Variants in EPHX1 observed in about 807,000 individuals in gnomAD.
The protein encoded by EPHX1 is epoxide hydrolase 1.
EPHX1 carries 40 observed loss-of-function variants against 43.2 expected under a neutral mutation model. The observed-to-expected ratio is 0.93, with a 90% confidence interval of 0.72 to 1.21. The LOEUF (loss-of-function observed/expected upper bound fraction) is 1.21, where lower values mean the gene tolerates loss of function less well. EPHX1 is among the 50% of genes most tolerant of loss of function. The probability of loss-of-function intolerance (pLI) is 0.00; values close to 1 mark genes in which losing one functional copy is unlikely to be tolerated. For missense variants in EPHX1, 550 were observed against 570.4 expected, an observed-to-expected ratio of 0.96 and a Z score of 0.36; for synonymous variants, 221 against 226.7, an observed-to-expected ratio of 0.98 and a Z score of 0.22.
Position 225,842,471 on chromosome 1 carries a change from A to C in EPHX1, c.1037A>C (p.Glu346Ala). Reference sequence around the variant, plus strand: ...CGATACCTGGAGGATGGAGGCCTGGAAAGGTGAGGCCCTGGTTTGCCCCTG... The same window carrying C: ...CGATACCTGGAGGATGGAGGCCTGGCAAGGTGAGGCCCTGGTTTGCCCCTG... ...EFRYLEDGGLERKFSLDDLLT... is the reference protein window; with the variant it reads ...EFRYLEDGGLARKFSLDDLLT... The change falls in exon 7 of 9, where the codon GAA becomes GCA. Residue 346 changes from glutamate (E) to alanine (A), a missense_variant. Transcript: ENST00000272167. The C allele has an allele frequency of 1.9e-6, 3 of 1,609,742 alleles. No homozygotes were observed. The highest frequency in any genetic ancestry group is 2.6e-6 in the Non-Finnish European group (3 of 1,175,928).
chr1:225,810,896 A>G (rs1274799956), intron 1 of EPHX1, among the ~76,000 whole-genome samples: 2 of 152,184 alleles, frequency 1.3e-5, no homozygotes, highest in African/African-American at 4.8e-5. Flanking sequence ...GAATGACATC[A>G]GTTAAGGCAG....
chr1:225,837,717 A>G (rs902117102), intron 3 of EPHX1, among the ~76,000 whole-genome samples: 21 of 151,950 alleles, frequency 1.4e-4, no homozygotes, highest in African/African-American at 5.1e-4. Flanking sequence ...ACGGGGTTTC[A>G]CCATGTTGGC....
intron 3 of EPHX1, among the ~76,000 whole-genome samples, chr1:225,836,910 G>A (rs1218119468): frequency 6.6e-6 from 1 of 152,190 alleles, no homozygotes; most frequent in Non-Finnish European, 1.5e-5. Context: ...TCTGTTAAAA[G>A]GGTAGGACCC....
At chr1:225,844,125 G>GGT (rs1163450070) in intron 7 of EPHX1, among the ~76,000 whole-genome samples, 1 of 152,116 alleles carries the variant, frequency 6.6e-6, no homozygotes, top group Non-Finnish European at 1.5e-5. Flanking sequence ...ATTAAAAGAA[G>GGT]GTAAGGAGCT....
intron 3 of EPHX1, among the ~76,000 whole-genome samples, chr1:225,833,279 C>CT (rs1269365646): frequency 5.9e-5 from 9 of 152,186 alleles, no homozygotes; most frequent in African/African-American, 1.9e-4. Context: ...CTAGGAATTA[C>CT]TTAAAGTGTA....
At chr1:225,845,040 G>GT (rs1668824355) in intron 8 of EPHX1, 106 bp from the exon 9 acceptor site, 2 of 1,195,840 alleles carry the variant, frequency 1.7e-6, no homozygotes, top group East Asian at 4.7e-5. Flanking sequence ...GGCTCCTTGT[G>GT]GGTGGGCCAG....
rs373882933 is a variant in EPHX1 at position 225,842,402 on chromosome 1, C to A, written c.968C>A (p.Ala323Asp). 1.9e-6 allele frequency: 3 copies of A among 1,613,966 alleles called. No individual in the cohort carries two copies. The highest frequency in any genetic ancestry group is 2.5e-6 in the Non-Finnish European group (3 of 1,179,934). The change falls in exon 7 of 9, where the codon GCC becomes GAC. Residue 323 changes from alanine (A) to aspartate (D), a missense_variant. Transcript: ENST00000272167. ...AATGACTCTCCTGTGGGTCTGGCTG[C>A]CTATATTCTAGAGAAGTTTTCCACC... is the stretch of plus-strand genomic sequence containing the variant. Reference protein sequence around the residue: ...ALNDSPVGLAAYILEKFSTWT... With the variant: ...ALNDSPVGLADYILEKFSTWT...
At chr1:225,812,132 T>C (rs1355641746) in intron 1 of EPHX1, among the ~76,000 whole-genome samples, 1 of 151,984 alleles carries the variant, frequency 6.6e-6, no homozygotes, top group Non-Finnish European at 1.5e-5. Flanking sequence ...GGCCTGATGT[T>C]TGTGTTTGCA....
intron 4 of EPHX1, 36 bp from the exon 5 acceptor site, chr1:225,839,181 A>G (rs746347965): frequency 1.2e-6 from 2 of 1,613,502 alleles, no homozygotes; most frequent in Middle Eastern, 1.6e-4. Context: ...TCTGCCTGTG[A>G]CTCCGTGACT....
chr1:225,827,744 T>C (rs1667321618), intron 1 of EPHX1, among the ~76,000 whole-genome samples: 1 of 152,194 alleles, frequency 6.6e-6, no homozygotes, highest in Non-Finnish European at 1.5e-5. Flanking sequence ...TCTGTGAATA[T>C]CCTAGAAACC....
At chr1:225,833,534 G>A (rs919614668) in intron 3 of EPHX1, among the ~76,000 whole-genome samples, 5 of 152,098 alleles carry the variant, frequency 3.3e-5, no homozygotes, top group East Asian at 1.9e-4. Flanking sequence ...GGTGGCGCAC[G>A]CCTGTAATCC....
intron 3 of EPHX1, 124 bp downstream of exon 3, chr1:225,832,083 T>G: frequency 9.9e-7 from 1 of 1,011,750 alleles, no homozygotes; most frequent in Non-Finnish European, 1.5e-6. Context: ...GACTGAGATG[T>G]ACTTATACGT....
intron 1 of EPHX1, among the ~76,000 whole-genome samples, chr1:225,821,565 CTT>C (rs869228485): frequency 0.045 from 3,159 of 69,856 alleles, 50 homozygotes; most frequent in African/African-American, 0.097. Flanking sequence ...TTTTTTGGTT[CTT>C]TTTTTTTTTT....
Position 225,845,126 on chromosome 1 carries a change from G to A in EPHX1, c.1167-20G>A, listed in dbSNP as rs369727842. ...CGCAGGGCCACAGCCTCACCCCTCC[G>A]TCGGCTCTTTCACTTCCAGGATGAA... On this transcript the variant is annotated intron_variant, in intron 8 of 8. Coordinates refer to ENST00000272167, the MANE Select transcript of EPHX1 (RefSeq NM_001136018.4). 30 of 1,613,370 alleles carry A rather than the reference G, an allele frequency of 1.9e-5. No individual in the cohort carries two copies. The highest frequency in any genetic ancestry group is 6.7e-5 in the Admixed American group (4 of 59,990).
chr1:225,820,004 G>A (rs994044006), intron 1 of EPHX1, among the ~76,000 whole-genome samples: 4 of 152,260 alleles, frequency 2.6e-5, no homozygotes, highest in East Asian at 1.9e-4. Context: ...GGACAGCTGC[G>A]GTGAACCTTT....
intron 3 of EPHX1, 36 bp downstream of exon 3, chr1:225,831,995 T>G (rs1396321429): frequency 7.5e-6 from 12 of 1,604,348 alleles, no homozygotes; most frequent in Admixed American, 1.7e-5. Flanking sequence ...GAGGGATGTA[T>G]GTCATGAGAA....
rs770317327 is a variant in EPHX1 at position 225,828,763 on chromosome 1, G to A, written c.34G>A (p.Gly12Ser). The A allele has an allele frequency of 8.7e-6, 14 of 1,613,360 alleles. No individual in the cohort carries two copies. The highest frequency in any genetic ancestry group is 1.1e-5 in the Non-Finnish European group (13 of 1,179,934). ...WLEILLTSVL[G>S]FAIYWFISRD... ...AGAAATCCTCCTCACTTCAGTGCTG[G>A]GCTTTGCCATCTACTGGTTCATCTC... is the stretch of plus-strand genomic sequence containing the variant. Residue 12 changes from glycine to serine, a missense_variant, in exon 2 of 9, where the codon GGC becomes AGC. Physicochemically the swap from Gly to Ser is moderately conservative, Grantham distance 56 (BLOSUM62 0). Coordinates refer to ENST00000272167, the MANE Select transcript of EPHX1 (RefSeq NM_001136018.4).
At chr1:225,837,768 C>T (rs552990414) in intron 3 of EPHX1, among the ~76,000 whole-genome samples, 13 of 152,284 alleles carry the variant, frequency 8.5e-5, no homozygotes, top group African/African-American at 3.1e-4. Context: ...GATCCACCCG[C>T]CTCAGCCTTC....
intron 2 of EPHX1, among the ~76,000 whole-genome samples, chr1:225,830,967 T>C (rs1667554007): frequency 6.6e-6 from 1 of 152,212 alleles, no homozygotes. Context: ...GTGAAAATTA[T>C]ATAGCAGTCA....
Sources: allele counts gnomAD v4.1 joint callset (sites outside exome capture counted in the v4.1 genomes callset), GRCh38; gene constraint gnomAD v4.1.1; transcripts MANE v1.5; gene names NCBI Gene and HGNC (gene_info 2026-07-23, HGNC 2026-07-21).